The following TMEM178B variants were observed in gnomAD, a reference collection of about 807,000 sequenced individuals.
TMEM178B encodes transmembrane protein 178B.
In TMEM178B, 5 loss-of-function variants were observed where a neutral mutation model predicts 31.0. The ratio of observed to expected loss-of-function variants is 0.16; its 90% CI spans 0.08 to 0.34. The LOEUF is 0.34. Among genes scored for constraint, TMEM178B ranks in the 10% least tolerant of loss-of-function variants. TMEM178B has a pLI of 1.00. For synonymous variants in TMEM178B, 164 were observed against 164.0 expected (o/e 1.00, Z 0.00); for missense variants, 275 against 400.3 (o/e 0.69, Z 2.67).
At chr7:141,249,454 A>G (rs1797794149) in intron 2 of TMEM178B, among the ~76,000 whole-genome samples, 1 of 152,202 alleles carries the variant, frequency 6.6e-6, no homozygotes, top group African/African-American at 2.4e-5. Context: ...TTATACAGTA[A>G]ATTGGTACTG....
At chr7:141,452,387 C>G (rs1485638132) in intron 3 of TMEM178B, among the ~76,000 whole-genome samples, 4 of 152,222 alleles carry the variant, frequency 2.6e-5, no homozygotes, top group Admixed American at 1.3e-4. Context: ...TGATCTTTCC[C>G]TTCCTCCAGC....
intron 2 of TMEM178B, among the ~76,000 whole-genome samples, chr7:141,377,392 C>T (rs1800236329): frequency 3.3e-5 from 5 of 151,818 alleles, no homozygotes; most frequent in South Asian, 4.2e-4. Context: ...CCACGTTGGC[C>T]GGCTGATCTT....
chr7:141,177,924 G>A (rs938425692), intron 1 of TMEM178B, among the ~76,000 whole-genome samples: 1 of 152,104 alleles, frequency 6.6e-6, no homozygotes, highest in Admixed American at 6.5e-5. Context: ...TTTAATTGGG[G>A]CATTTAGCTC....
At chr7:141,462,283 A>T (rs1328913753) in intron 3 of TMEM178B, among the ~76,000 whole-genome samples, 1 of 152,212 alleles carries the variant, frequency 6.6e-6, no homozygotes, top group African/African-American at 2.4e-5. Context: ...AAGGAATAAA[A>T]TAAGTCAGGA....
intron 1 of TMEM178B, among the ~76,000 whole-genome samples, chr7:141,156,978 A>G (rs1936087931): frequency 6.6e-6 from 1 of 152,196 alleles, no homozygotes; most frequent in African/African-American, 2.4e-5. Flanking sequence ...CTGGCCTCCC[A>G]GCTATAGTTG....
chr7:141,333,516 G>A (rs896787903), intron 2 of TMEM178B, among the ~76,000 whole-genome samples: 2 of 152,192 alleles, frequency 1.3e-5, no homozygotes, highest in African/African-American at 4.8e-5. Flanking sequence ...GATTGCTTTT[G>A]TCTAAGATGC....
chr7:141,117,344 C>T (rs1795335173), intron 1 of TMEM178B, among the ~76,000 whole-genome samples: 1 of 152,040 alleles, frequency 6.6e-6, no homozygotes, highest in Non-Finnish European at 1.5e-5. Context: ...TATCCTTTGC[C>T]CACTTTTTGA....
At chr7:141,394,080 G>A (rs946773056) in intron 2 of TMEM178B, among the ~76,000 whole-genome samples, 2 of 151,328 alleles carry the variant, frequency 1.3e-5, no homozygotes, top group East Asian at 1.9e-4. Context: ...TCCTGATGAC[G>A]TGCAGTTGGG....
At chr7:141,348,693 T>C (rs777388692) in intron 2 of TMEM178B, among the ~76,000 whole-genome samples, 1 of 152,200 alleles carries the variant, frequency 6.6e-6, no homozygotes, top group African/African-American at 2.4e-5. Flanking sequence ...GAAATCAGAA[T>C]ACAGGAGTTT....
At chr7:141,399,132 T>G (rs1800708778) in intron 2 of TMEM178B, among the ~76,000 whole-genome samples, 1 of 152,258 alleles carries the variant, frequency 6.6e-6, no homozygotes, top group East Asian at 1.9e-4. Context: ...ATTTATCTCC[T>G]CCATCCTGAC....
At chr7:141,304,527 C>T (rs1308935607) in intron 2 of TMEM178B, among the ~76,000 whole-genome samples, 2 of 152,164 alleles carry the variant, frequency 1.3e-5, no homozygotes, top group Non-Finnish European at 2.9e-5. Context: ...GGGCTCTCAT[C>T]CACTGCTTTA....
chr7:141,409,202 C>T (rs575951144), intron 2 of TMEM178B, among the ~76,000 whole-genome samples: 4 of 152,290 alleles, frequency 2.6e-5, no homozygotes, highest in Non-Finnish European at 4.4e-5. Context: ...ATGTCACTAT[C>T]ATGTGAGAGG....
chr7:141,233,536 C>T (rs971011791), intron 2 of TMEM178B, among the ~76,000 whole-genome samples: 3 of 152,154 alleles, frequency 2.0e-5, no homozygotes, highest in African/African-American at 4.8e-5. Flanking sequence ...CTATGCATTT[C>T]GGCACAGGCA....
rs546840915 is a variant in TMEM178B, at chr7:141,436,644, G to C, written c.497-964G>C. On this transcript the variant is annotated intron_variant, in intron 2 of 3. Coordinates refer to ENST00000565468, the MANE Select transcript of TMEM178B (RefSeq NM_001195278.2). The stretch of plus-strand genomic sequence containing the variant: ...GTGCCCGGAGCTGGTGGGGGCTGGG[G>C]TGCGGTGGGCACGTGGAAGGGTAGG... Among the ~76,000 whole-genome samples the C allele has an allele frequency of 8.9e-4, 136 of 152,086 alleles. 1 individual carries two copies. The highest frequency in any genetic ancestry group is 3.1e-3 in the African/African-American group (129 of 41,496).
At chr7:141,225,055 A>G (rs925474736) in intron 2 of TMEM178B, among the ~76,000 whole-genome samples, 2 of 152,234 alleles carry the variant, frequency 1.3e-5, no homozygotes, top group Non-Finnish European at 2.9e-5. Context: ...AGTGCCTACC[A>G]TGCGGGCATT....
chr7:141,400,261 T>C (rs1317775155), intron 2 of TMEM178B, among the ~76,000 whole-genome samples: 1 of 152,236 alleles, frequency 6.6e-6, no homozygotes, highest in Non-Finnish European at 1.5e-5. Context: ...AAGACAAAGA[T>C]ATGTCCAAAT....
chr7:141,472,434 CAA>C lies in TMEM178B; in HGVS notation c.*1650_*1651del, dbSNP rs1802261983. On this transcript the variant is annotated 3_prime_UTR_variant, in exon 4 of 4. Transcript: ENST00000565468. The stretch of plus-strand genomic sequence containing the variant: ...AATTAGCACTGCAGGTGCTGGCAAG[CAA>C]AGTCAGCCAGAGAGTTGTGAACGCT... 6.6e-6 allele frequency: 1 copy of C among 152,142 alleles called. No individual in the cohort carries two copies. The highest frequency in any genetic ancestry group is 2.4e-5 in the African/African-American group (1 of 41,418). 9.4% of individuals were successfully genotyped at this position (152,142 alleles called of 1,614,324 possible).
intron 2 of TMEM178B, among the ~76,000 whole-genome samples, chr7:141,283,006 A>G (rs779136465): frequency 1.1e-4 from 17 of 152,102 alleles, no homozygotes; most frequent in Non-Finnish European, 1.9e-4. Flanking sequence ...TAATTGTACC[A>G]ACCTAATAAT....
At chr7:141,445,188 C>G (rs987850308) in intron 3 of TMEM178B, among the ~76,000 whole-genome samples, 1 of 152,122 alleles carries the variant, frequency 6.6e-6, no homozygotes, top group African/African-American at 2.4e-5. Flanking sequence ...ACATGTCTGG[C>G]ATCTATACCC....
Sources: gnomAD v4.1 joint callset for allele counts (sites outside exome capture counted in the v4.1 genomes callset) on GRCh38, gnomAD v4.1.1 for gene constraint, MANE v1.5 for transcripts, NCBI Gene and HGNC (gene_info 2026-07-23, HGNC 2026-07-21) for gene names.